Variants in PHLDB2 observed in about 807,000 individuals in gnomAD.
PHLDB2 encodes the protein pleckstrin homology-like domain family B member 2.
In PHLDB2, 71 loss-of-function variants were observed where a neutral mutation model predicts 123.6. The ratio of observed to expected loss-of-function variants is 0.57; its 90% confidence interval spans 0.47 to 0.70. The LOEUF (loss-of-function observed/expected upper bound fraction) is 0.70, where lower values mean the gene tolerates loss of function less well. PHLDB2 is among the 30% of genes least tolerant of loss of function. The pLI is 0.00. For missense variants in PHLDB2, 1,446 were observed against 1,519.5 expected (o/e 0.95, Z 0.80); for synonymous variants, 547 against 541.6 (o/e 1.01, Z -0.14).
chr3:111,874,832 T>A (rs2065522860), intron 1 of PHLDB2, among the ~76,000 whole-genome samples: 2 of 152,170 alleles, frequency 1.3e-5, no homozygotes, highest in South Asian at 4.1e-4. Flanking sequence ...GTGAAGTGCC[T>A]AAAACTACCC....
chr3:111,826,372 T>C, intron 1 of PHLDB2, among the ~76,000 whole-genome samples: 1 of 152,164 alleles, frequency 6.6e-6, no homozygotes, highest in East Asian at 1.9e-4. Flanking sequence ...ACCAATCAAG[T>C]AAAATTGCTT....
intron 1 of PHLDB2, among the ~76,000 whole-genome samples, chr3:111,743,976 A>G (rs1559808204): frequency 1.3e-5 from 2 of 152,232 alleles, no homozygotes. Context: ...CTAAATATTT[A>G]AAACTTATTT....
chr3:111,962,945 A>G (rs60678964), intron 13 of PHLDB2, among the ~76,000 whole-genome samples: 5 of 151,062 alleles, frequency 3.3e-5, no homozygotes, highest in Admixed American at 6.6e-5. Flanking sequence ...AAAAAAAAAA[A>G]AAAAGAAAGA....
chr3:111,901,435 G>A (rs756713678), intron 2 of PHLDB2, among the ~76,000 whole-genome samples: 1 of 151,198 alleles, frequency 6.6e-6, no homozygotes, highest in South Asian at 2.1e-4. Flanking sequence ...AGTACTTTCA[G>A]TTGTTATGTT....
At chr3:111,878,603 T>C (rs1320536897) in intron 1 of PHLDB2, among the ~76,000 whole-genome samples, 3 of 152,214 alleles carry the variant, frequency 2.0e-5, no homozygotes, top group Non-Finnish European at 4.4e-5. Flanking sequence ...ATAGGAGTGG[T>C]GAGAGAAGGC....
rs1392217458 is a variant in PHLDB2 at position 111,859,485 on chromosome 3, G to A, written c.-106G>A. 2 of 985,422 alleles carry A rather than the reference G, an allele frequency of 2.0e-6. No individual in the cohort carries two copies. The highest frequency in any genetic ancestry group is 1.1e-4 in the East Asian group (1 of 8,816). 61.0% of individuals were successfully genotyped at this position (985,422 alleles called of 1,614,324 possible). A position where few individuals can be genotyped will look rare whatever the true frequency, so the allele number is the denominator to read the frequency against. ...CGCGGAGCCCACCATTGCGGCCCGAGGGGGACCCGACGGGGGCCCGACGGT... is the reference window on the plus strand; with the variant it reads ...CGCGGAGCCCACCATTGCGGCCCGAAGGGGACCCGACGGGGGCCCGACGGT... On this transcript the variant is annotated 5_prime_UTR_variant, in exon 1 of 18. Coordinates refer to ENST00000431670, the MANE Select transcript of PHLDB2 (RefSeq NM_001134438.2).
At chr3:111,816,885 G>A (rs1402980719) in intron 1 of PHLDB2, among the ~76,000 whole-genome samples, 4 of 152,194 alleles carry the variant, frequency 2.6e-5, no homozygotes, top group African/African-American at 7.2e-5. Flanking sequence ...CCAGTGGGAG[G>A]TGATTGAATT....
intron 1 of PHLDB2, among the ~76,000 whole-genome samples, chr3:111,840,518 C>T (rs2063635830): frequency 6.6e-6 from 1 of 152,060 alleles, no homozygotes; most frequent in Non-Finnish European, 1.5e-5. Context: ...GTCTTGTTTA[C>T]ACATTAGAGT....
chr3:111,911,586 A>G (rs1480633895), intron 2 of PHLDB2: 3 of 1,531,528 alleles, frequency 2.0e-6, no homozygotes, highest in African/African-American at 2.7e-5. Context: ...GAAGAGATAA[A>G]TAAGTACCAG....
chr3:111,842,167 A>C (rs557007304), intron 1 of PHLDB2, among the ~76,000 whole-genome samples: 1 of 152,368 alleles, frequency 6.6e-6, no homozygotes, highest in African/African-American at 2.4e-5. Context: ...ATAACTGCTC[A>C]AATATAATGG....
chr3:111,969,633 G>C lies in PHLDB2; in HGVS notation c.3316-57G>C. ...TTAATTTCTGCTTCTAAACATCTGTGACCTAAAACAAAACAAATAATTAGC... is the reference window on the plus strand; with the variant it reads ...TTAATTTCTGCTTCTAAACATCTGTCACCTAAAACAAAACAAATAATTAGC... On this transcript the variant is annotated intron_variant, in intron 15 of 17. Transcript: ENST00000431670. 4 of 1,412,400 alleles carry C rather than the reference G, an allele frequency of 2.8e-6. No individual in the cohort carries two copies. The Admixed American group carries it at 7.1e-5, about 25-fold the overall frequency. 87.5% of individuals were successfully genotyped at this position (1,412,400 alleles called of 1,614,324 possible).
At chr3:111,806,596 T>C (rs2061600287) in intron 1 of PHLDB2, among the ~76,000 whole-genome samples, 1 of 151,928 alleles carries the variant, frequency 6.6e-6, no homozygotes, top group African/African-American at 2.4e-5. Context: ...GCAATTCTCG[T>C]GCCTTCAGCC....
chr3:111,805,858 A>AAG (rs1472415095), intron 1 of PHLDB2, among the ~76,000 whole-genome samples: 1 of 148,610 alleles, frequency 6.7e-6, no homozygotes, highest in Non-Finnish European at 1.5e-5. Flanking sequence ...AAAAAAAAAA[A>AAG]AAGAAGAAGA....
chr3:111,772,339 ATTATAT>A (rs1309702641), intron 1 of PHLDB2, among the ~76,000 whole-genome samples: 1 of 152,090 alleles, frequency 6.6e-6, no homozygotes, highest in African/African-American at 2.4e-5. Context: ...TTTTAAATAA[ATTATAT>A]TTAGACTATA....
At chr3:111,778,562 G>A (rs1043456423) in intron 1 of PHLDB2, 2 of 136,920 alleles carry the variant, frequency 1.5e-5, no homozygotes, top group Admixed American at 7.0e-5. Context: ...TATGTAAAAT[G>A]TTCAACCCAC....
chr3:111,969,387 C>A (rs927736479), intron 15 of PHLDB2, among the ~76,000 whole-genome samples: 4 of 152,166 alleles, frequency 2.6e-5, no homozygotes, highest in African/African-American at 7.2e-5. Flanking sequence ...ATTACAAGAG[C>A]AAAGTACATC....
intron 1 of PHLDB2, among the ~76,000 whole-genome samples, chr3:111,832,318 A>G (rs1163120533): frequency 6.6e-6 from 1 of 151,688 alleles, no homozygotes; most frequent in African/African-American, 2.4e-5. Flanking sequence ...GCTTCTGTTA[A>G]TGGCATTGTT....
At chr3:111,895,749 T>C (rs188660763) in intron 2 of PHLDB2, among the ~76,000 whole-genome samples, 1 of 152,164 alleles carries the variant, frequency 6.6e-6, no homozygotes, top group Non-Finnish European at 1.5e-5. Context: ...CTTCGGAGGC[T>C]GAAGCAGGAA....
chr3:111,901,062 T>C (rs1241959595), intron 2 of PHLDB2, among the ~76,000 whole-genome samples: 1 of 152,144 alleles, frequency 6.6e-6, no homozygotes, highest in African/African-American at 2.4e-5. Context: ...TGACATGCTT[T>C]TAAAATTTTA....
Sources: gnomAD v4.1 joint callset for allele counts (sites outside exome capture counted in the v4.1 genomes callset) on GRCh38, gnomAD v4.1.1 for gene constraint, MANE v1.5 for transcripts, NCBI Gene and HGNC (gene_info 2026-07-23, HGNC 2026-07-21) for gene names.